DSCAM: variants seen among roughly 807,000 people sequenced by gnomAD.
The protein encoded by DSCAM is DS cell adhesion molecule.
DSCAM carries 47 observed loss-of-function variants against 217.7 expected under a neutral mutation model. The ratio of observed to expected loss-of-function variants is 0.22; its 90% CI spans 0.17 to 0.28. The LOEUF is 0.28. Among genes scored for constraint, DSCAM ranks in the 10% least tolerant of loss-of-function variants. The pLI is 1.00. For missense variants in DSCAM, 2,080 were observed against 2,618.3 expected, an observed-to-expected ratio of 0.79 and a Z score of 4.49; for synonymous variants, 1,056 against 1,015.3, an observed-to-expected ratio of 1.04 and a Z score of -0.76.
At position 40,112,230 on chromosome 21, in the gene DSCAM, G is replaced by T. The variant is rs867251367; in HGVS notation, c.3696+11965C>A. On this transcript the variant is annotated intron_variant, in intron 20 of 32. Transcript: ENST00000400454. ...TAACAAACTGTCTCTCAGACCACAG[G>T]TCAATCAAACTAGAACTCAGGATTA... Among the ~76,000 whole-genome samples the T allele has an allele frequency of 4.1e-5, 6 of 147,606 alleles. 1 individual carries two copies. The highest frequency in any genetic ancestry group is 9.2e-5 in the Non-Finnish European group (6 of 65,546).
At chr21:40,776,990 TC>T (rs1375196147) in intron 1 of DSCAM, among the ~76,000 whole-genome samples, 1 of 152,138 alleles carries the variant, frequency 6.6e-6, no homozygotes, top group Non-Finnish European at 1.5e-5. Flanking sequence ...CCGATCTCTC[TC>T]ACTATATCTT....
rs2074449794 is a variant in DSCAM, at chr21:40,338,260, T to C, written c.1624A>G (p.Asn542Asp). ...YYSIKWYKNS[N>D]LLPFNHRQVA... ...TGGCGGTGGTTGAAAGGAAGCAGGT[T>C]AGAGTTCTTGTACCATTTAATGGAG... The change falls in exon 8 of 33, where the codon AAC becomes GAC. Residue 542 changes from asparagine (N) to aspartate (D), a missense_variant. Transcript: ENST00000400454. 3 of 1,614,248 alleles carry C rather than the reference T, an allele frequency of 1.9e-6. No individual in the cohort carries two copies. In the East Asian group the frequency reaches 6.7e-5, roughly 36 times the overall value.
chr21:40,407,753 C>T, intron 3 of DSCAM, among the ~76,000 whole-genome samples: 1 of 152,196 alleles, frequency 6.6e-6, no homozygotes, highest in East Asian at 1.9e-4. Flanking sequence ...AGACCCAGTC[C>T]AGGTGACAGC....
intron 32 of DSCAM, among the ~76,000 whole-genome samples, chr21:40,031,231 A>T (rs1317003855): frequency 6.6e-6 from 1 of 152,086 alleles, no homozygotes; most frequent in Non-Finnish European, 1.5e-5. Flanking sequence ...TACCTTAGAG[A>T]ACAGTGATGT....
chr21:40,604,864 T>C (rs2089211569), intron 3 of DSCAM, among the ~76,000 whole-genome samples: 1 of 152,170 alleles, frequency 6.6e-6, no homozygotes, highest in Non-Finnish European at 1.5e-5. Flanking sequence ...TTGTGTTTAT[T>C]TGTTTGTTTG....
intron 3 of DSCAM, among the ~76,000 whole-genome samples, chr21:40,388,717 A>G (rs1383613423): frequency 6.6e-6 from 1 of 152,306 alleles, no homozygotes. Context: ...CAAACTTCAC[A>G]TTCTGGAAAG....
chr21:40,633,914 C>T (rs961827036), intron 3 of DSCAM, among the ~76,000 whole-genome samples: 2 of 152,084 alleles, frequency 1.3e-5, no homozygotes, highest in African/African-American at 4.8e-5. Flanking sequence ...GGGAATGATG[C>T]GCCCCAGAGA....
intron 11 of DSCAM, among the ~76,000 whole-genome samples, chr21:40,271,696 G>A (rs574793602): frequency 2.0e-5 from 3 of 152,252 alleles, no homozygotes; most frequent in Admixed American, 6.5e-5. Context: ...AAAGCTACAC[G>A]CTTCCCTCAT....
At position 40,553,560 on chromosome 21, in the gene DSCAM, A is replaced by G. The variant is rs556390979; in HGVS notation, c.508+139250T>C. Among the ~76,000 whole-genome samples the G allele has an allele frequency of 3.3e-5, 5 of 152,364 alleles. 1 individual carries two copies. In the South Asian group the frequency reaches 1.0e-3, roughly 32 times the overall value. ...GATGTGTCTAACTCTTTGCAAACAAATAAGATTTTTACATATATATCATTA... is the reference window on the plus strand; with the variant it reads ...GATGTGTCTAACTCTTTGCAAACAAGTAAGATTTTTACATATATATCATTA... On this transcript the variant is annotated intron_variant, in intron 3 of 32. Transcript: ENST00000400454.
intron 3 of DSCAM, among the ~76,000 whole-genome samples, chr21:40,402,442 G>A (rs2075245010): frequency 6.6e-6 from 1 of 152,030 alleles, no homozygotes; most frequent in Non-Finnish European, 1.5e-5. Flanking sequence ...TTACCTCTCA[G>A]ATCATTAGAA....
chr21:40,443,338 T>C (rs903478037), intron 3 of DSCAM, among the ~76,000 whole-genome samples: 1 of 152,242 alleles, frequency 6.6e-6, no homozygotes. Flanking sequence ...AATAAAGACG[T>C]TGAAATCCTT....
intron 3 of DSCAM, among the ~76,000 whole-genome samples, chr21:40,381,074 A>AAAAAAAAAAAAAAACAAAC (rs1569095596): frequency 6.8e-6 from 1 of 147,040 alleles, no homozygotes; most frequent in African/African-American, 2.6e-5. Context: ...AAAAAAAAAA[A>AAAAAAAAAAAAAAACAAAC]AAAAAAAAAA....
intron 2 of DSCAM, 131 bp downstream of exon 2, chr21:40,708,323 C>T (rs1387611570): frequency 5.6e-6 from 4 of 710,750 alleles, no homozygotes; most frequent in Non-Finnish European, 2.1e-6. Context: ...AAGTCATCAG[C>T]AAGGTCAGAA....
intron 3 of DSCAM, among the ~76,000 whole-genome samples, chr21:40,422,042 A>C (rs749255192): frequency 6.6e-6 from 1 of 152,190 alleles, no homozygotes; most frequent in Non-Finnish European, 1.5e-5. Flanking sequence ...TCTTTCTATA[A>C]ACTTAGACAA....
At chr21:40,487,189 C>A (rs989273728) in intron 3 of DSCAM, among the ~76,000 whole-genome samples, 4 of 151,950 alleles carry the variant, frequency 2.6e-5, no homozygotes, top group African/African-American at 9.7e-5. Context: ...ATGGAATAAT[C>A]TCAGGGTGAG....
intron 3 of DSCAM, among the ~76,000 whole-genome samples, chr21:40,595,695 C>G (rs1345632238): frequency 1.3e-5 from 2 of 152,154 alleles, no homozygotes; most frequent in African/African-American, 4.8e-5. Flanking sequence ...ACTCTGGTTC[C>G]AATTTATAAG....
chr21:40,201,909 T>A (rs1444249937), intron 11 of DSCAM, among the ~76,000 whole-genome samples: 1 of 152,216 alleles, frequency 6.6e-6, no homozygotes, highest in Non-Finnish European at 1.5e-5. Context: ...AAATATATTA[T>A]GAGCCATGGG....
intron 15 of DSCAM, among the ~76,000 whole-genome samples, chr21:40,176,086 T>C (rs1036493886): frequency 2.0e-5 from 3 of 152,056 alleles, no homozygotes; most frequent in Admixed American, 2.0e-4. Context: ...TCCTCTGTCC[T>C]GAGCTGAGTA....
chr21:40,375,895 C>T (rs2074945361), intron 3 of DSCAM, among the ~76,000 whole-genome samples: 1 of 152,060 alleles, frequency 6.6e-6, no homozygotes, highest in Non-Finnish European at 1.5e-5. Flanking sequence ...GTTTGTTCTC[C>T]TCCAGAGATG....
Sources: allele counts gnomAD v4.1 joint callset (sites outside exome capture counted in the v4.1 genomes callset), GRCh38; gene constraint gnomAD v4.1.1; transcripts MANE v1.5; gene names NCBI Gene and HGNC (gene_info 2026-07-23, HGNC 2026-07-21).